ATG7: variants seen among roughly 807,000 people sequenced by gnomAD.
ATG7 encodes ubiquitin-like modifier-activating enzyme ATG7.
ATG7 carries 70 observed loss-of-function variants against 82.4 expected under a neutral mutation model. The observed-to-expected ratio is 0.85, with a 90% CI of 0.70 to 1.04. The LOEUF is 1.04. Ranked by LOEUF, ATG7 falls within the 50% of genes least tolerant of loss-of-function variation. ATG7 has a pLI of 0.00. For synonymous variants in ATG7, 287 were observed against 313.0 expected (o/e 0.92, Z 0.88); for missense variants, 792 against 864.3 (o/e 0.92, Z 1.05).
intron 5 of ATG7, among the ~76,000 whole-genome samples, chr3:11,305,367 A>G (rs1947550822): frequency 1.3e-5 from 2 of 152,224 alleles, no homozygotes; most frequent in African/African-American, 4.8e-5. Flanking sequence ...CTTTCACAAA[A>G]TGAGGCTTTG....
intron 20 of ATG7, among the ~76,000 whole-genome samples, chr3:11,473,770 T>C (rs1574869615): frequency 6.6e-6 from 1 of 152,218 alleles, no homozygotes; most frequent in African/African-American, 2.4e-5. Flanking sequence ...TATATATTAA[T>C]ATTAAATCAA....
chr3:11,516,439 G>A (rs2092285334), intron 20 of ATG7, among the ~76,000 whole-genome samples: 1 of 152,034 alleles, frequency 6.6e-6, no homozygotes, highest in African/African-American at 2.4e-5. Context: ...GCAAAACACT[G>A]ACAACACCGA....
intron 20 of ATG7, among the ~76,000 whole-genome samples, chr3:11,462,988 C>T (rs1173433603): frequency 1.3e-5 from 2 of 151,868 alleles, no homozygotes; most frequent in Non-Finnish European, 2.9e-5. Flanking sequence ...TGGGTTCAAG[C>T]GATTCTTCCA....
chr3:11,471,950 C>T (rs980058244), intron 20 of ATG7, among the ~76,000 whole-genome samples: 1 of 151,900 alleles, frequency 6.6e-6, no homozygotes, highest in African/African-American at 2.4e-5. Context: ...GCTGGCCAGG[C>T]TGGTCTTGAA....
At chr3:11,562,083 A>T (rs2073071047), downstream of ATG7, among the ~76,000 whole-genome samples, 1 of 151,732 alleles carries the variant, frequency 6.6e-6, no homozygotes, top group Non-Finnish European at 1.5e-5. Flanking sequence ...CTTTTAGTAA[A>T]AACAGGGTTT....
At chr3:11,569,771 A>G in the ATG7 span, among the ~76,000 whole-genome samples, 2 of 152,168 alleles carry the variant, frequency 1.3e-5, no homozygotes, top group Non-Finnish European at 2.9e-5. Flanking sequence ...GGTCCCAGCT[A>G]CTTGGAGGCT....
chr3:11,528,265 G>T (rs1559802569), intron 20 of ATG7, among the ~76,000 whole-genome samples: 2 of 152,142 alleles, frequency 1.3e-5, no homozygotes, highest in African/African-American at 4.8e-5. Flanking sequence ...TATTAAATCA[G>T]CAAGGAGCAG....
At chr3:11,336,962 C>G (rs907649673) in intron 11 of ATG7, among the ~76,000 whole-genome samples, 4 of 152,140 alleles carry the variant, frequency 2.6e-5, no homozygotes, top group Admixed American at 1.3e-4. Context: ...TGTGAGCTAC[C>G]TTGCGCAGTC....
At chr3:11,408,959 T>C (rs2080626458) in intron 19 of ATG7, among the ~76,000 whole-genome samples, 1 of 152,230 alleles carries the variant, frequency 6.6e-6, no homozygotes, top group Non-Finnish European at 1.5e-5. Context: ...TGGTGAGGTA[T>C]CTGTTAAGAT....
At chr3:11,346,494 T>C (rs754832234) in intron 13 of ATG7, 1 of 152,198 alleles carries the variant, frequency 6.6e-6, no homozygotes, top group Non-Finnish European at 1.5e-5. Context: ...CTCACCAGCA[T>C]TGAGTATTGT....
At chr3:11,431,731 A>G (rs553498313) in intron 20 of ATG7, among the ~76,000 whole-genome samples, 163 of 152,368 alleles carry the variant, frequency 1.1e-3, no homozygotes, top group African/African-American at 3.6e-3. Context: ...ATTTAAAGAA[A>G]AAGTCTCAAT....
chr3:11,289,630 C>T (rs1052351457), intron 3 of ATG7, among the ~76,000 whole-genome samples: 7 of 152,204 alleles, frequency 4.6e-5, no homozygotes, highest in Non-Finnish European at 1.0e-4. Context: ...TCATGGATCA[C>T]TGCAGCCTCA....
chr3:11,359,012 T>C (rs1163505094), intron 15 of ATG7, among the ~76,000 whole-genome samples: 6 of 152,198 alleles, frequency 3.9e-5, no homozygotes, highest in Admixed American at 3.9e-4. Flanking sequence ...TTCACAGTTA[T>C]GTTTTCAAAG....
chr3:11,277,395 G>A (rs1192365682), intron 1 of ATG7: 1 of 152,268 alleles, frequency 6.6e-6, no homozygotes, highest in Admixed American at 6.5e-5. Flanking sequence ...ACTCTATCAG[G>A]GGAACCTGCC....
intron 20 of ATG7, among the ~76,000 whole-genome samples, chr3:11,530,464 A>G (rs1311478578): frequency 6.6e-6 from 1 of 152,198 alleles, no homozygotes; most frequent in African/African-American, 2.4e-5. Flanking sequence ...TGGATGCTGA[A>G]TTGGGAAATG....
intron 19 of ATG7, among the ~76,000 whole-genome samples, chr3:11,396,118 G>GGGAA (rs10664708): frequency 1.4e-5 from 2 of 144,476 alleles, no homozygotes; most frequent in Admixed American, 1.4e-4. Context: ...AGAAGTATAG[G>GGGAA]AAAAAAAAAA....
intron 15 of ATG7, among the ~76,000 whole-genome samples, chr3:11,360,019 A>G (rs1356970020): frequency 1.3e-5 from 2 of 152,148 alleles, no homozygotes; most frequent in East Asian, 3.9e-4. Flanking sequence ...TCTATAAATA[A>G]GAAATGTTTG....
At chr3:11,352,779 T>C (rs1211673143) in intron 14 of ATG7, among the ~76,000 whole-genome samples, 2 of 152,108 alleles carry the variant, frequency 1.3e-5, no homozygotes, top group Non-Finnish European at 2.9e-5. Flanking sequence ...CCTGGACAAG[T>C]GTGGGGCATG....
At chr3:11,566,223 C>A in the ATG7 span, among the ~76,000 whole-genome samples, 5 of 151,968 alleles carry the variant, frequency 3.3e-5, no homozygotes, top group East Asian at 1.9e-4. Flanking sequence ...GTTACACACA[C>A]GCACACCACA....
Sources: allele counts gnomAD v4.1 joint callset (sites outside exome capture counted in the v4.1 genomes callset), GRCh38; gene constraint gnomAD v4.1.1; transcripts MANE v1.5; gene names NCBI Gene and HGNC (gene_info 2026-07-23, HGNC 2026-07-21).